The following SNX7 variants were observed in gnomAD, a reference collection of about 807,000 sequenced individuals.
SNX7 encodes the protein sorting nexin 7.
A neutral mutation model predicts 48.4 loss-of-function variants in SNX7; 35 were observed. The observed-to-expected ratio is 0.72, with a 90% CI of 0.55 to 0.96. The LOEUF (loss-of-function observed/expected upper bound fraction) is 0.96, where lower values mean the gene tolerates loss of function less well. SNX7 is among the 40% of genes least tolerant of loss of function. The probability of loss-of-function intolerance (pLI) is 0.00; values close to 1 mark genes in which losing one functional copy is unlikely to be tolerated. For missense variants in SNX7, 553 were observed against 548.9 expected, an observed-to-expected ratio of 1.01 and a Z score of -0.07; for synonymous variants, 190 against 190.2, an observed-to-expected ratio of 1.00 and a Z score of 0.01.
At chr1:98,682,081 TTTTTTTGTCCTTC>T (rs1199486239) in intron 1 of SNX7, among the ~76,000 whole-genome samples, 1 of 83,006 alleles carries the variant, frequency 1.2e-5, no homozygotes, top group African/African-American at 3.8e-5. Context: ...CTTTTCTTCC[TTTTTTTGTCCTTC>T]TTTTACTTCC....
intron 1 of SNX7, among the ~76,000 whole-genome samples, chr1:98,670,789 G>A (rs1395027645): frequency 6.6e-6 from 1 of 152,012 alleles, no homozygotes; most frequent in Non-Finnish European, 1.5e-5. Context: ...AAGGGGATTG[G>A]ATGTTGTATA....
At chr1:98,755,802 T>A (rs922068853) in intron 8 of SNX7, among the ~76,000 whole-genome samples, 1 of 151,956 alleles carries the variant, frequency 6.6e-6, no homozygotes, top group African/African-American at 2.4e-5. Flanking sequence ...TTAACTATAT[T>A]TGTCCTTATA....
At chr1:98,744,051 G>A (rs1394930278) in intron 8 of SNX7, among the ~76,000 whole-genome samples, 1 of 152,012 alleles carries the variant, frequency 6.6e-6, no homozygotes, top group African/African-American at 2.4e-5. Context: ...GGAGCAATGA[G>A]GGGAATAGTC....
intron 4 of SNX7, 36 bp from the exon 5 acceptor site, chr1:98,695,482 T>C: frequency 6.3e-7 from 1 of 1,590,208 alleles, no homozygotes; most frequent in Non-Finnish European, 8.6e-7. Flanking sequence ...ATATTGAGAC[T>C]TGTTTCACTA....
chr1:98,748,222 G>C (rs1346401783), intron 8 of SNX7, among the ~76,000 whole-genome samples: 1 of 152,044 alleles, frequency 6.6e-6, no homozygotes, highest in Non-Finnish European at 1.5e-5. Context: ...CTGACCTCAA[G>C]TGATCTGCCT....
At chr1:98,753,482 G>A (rs1252693379) in intron 8 of SNX7, among the ~76,000 whole-genome samples, 2 of 152,074 alleles carry the variant, frequency 1.3e-5, no homozygotes, top group Non-Finnish European at 2.9e-5. Context: ...GAGGGCTAAT[G>A]CCATCTTTGG....
intron 7 of SNX7, among the ~76,000 whole-genome samples, chr1:98,702,218 T>C (rs1651788769): frequency 6.6e-6 from 1 of 152,164 alleles, no homozygotes; most frequent in South Asian, 2.1e-4. Context: ...TCCAGGCTAG[T>C]AAGTACTCAG....
At chr1:98,703,404 A>G (rs1166611634) in intron 7 of SNX7, among the ~76,000 whole-genome samples, 1 of 151,946 alleles carries the variant, frequency 6.6e-6, no homozygotes, top group African/African-American at 2.4e-5. Context: ...ACTATGAATT[A>G]CTCTCACGTT....
At chr1:98,739,510 G>A (rs920734540) in intron 8 of SNX7, among the ~76,000 whole-genome samples, 3 of 152,126 alleles carry the variant, frequency 2.0e-5, no homozygotes, top group African/African-American at 7.2e-5. Context: ...CAGTATGCAA[G>A]ACAAACACAA....
chr1:98,756,801 C>T (rs1048248137), intron 8 of SNX7, among the ~76,000 whole-genome samples: 2 of 151,938 alleles, frequency 1.3e-5, no homozygotes, highest in Non-Finnish European at 2.9e-5. Context: ...ACCATGGCCT[C>T]GAAATTCTGT....
chr1:98,751,865 G>A (rs1654602500), intron 8 of SNX7, among the ~76,000 whole-genome samples: 1 of 152,098 alleles, frequency 6.6e-6, no homozygotes, highest in Non-Finnish European at 1.5e-5. Context: ...TCAAATGGAA[G>A]TGGAACTCCT....
At chr1:98,663,416 C>T (rs1415176028) in intron 1 of SNX7, among the ~76,000 whole-genome samples, 2 of 151,738 alleles carry the variant, frequency 1.3e-5, no homozygotes, top group Non-Finnish European at 2.9e-5. Context: ...GTTTCTCTTT[C>T]CCCAGATTCT....
At chr1:98,748,809 T>C (rs1486829816) in intron 8 of SNX7, among the ~76,000 whole-genome samples, 2 of 152,086 alleles carry the variant, frequency 1.3e-5, no homozygotes, top group Admixed American at 1.3e-4. Context: ...AACTGCCAAA[T>C]AGAGGTATTC....
chr1:98,678,245 G>A (rs1281977483), intron 1 of SNX7, among the ~76,000 whole-genome samples: 2 of 152,070 alleles, frequency 1.3e-5, no homozygotes, highest in Admixed American at 6.5e-5. Context: ...GGACGATCCA[G>A]GGTCTTTTAA....
intron 8 of SNX7, among the ~76,000 whole-genome samples, chr1:98,757,491 A>T (rs1349290812): frequency 6.6e-6 from 1 of 151,812 alleles, no homozygotes; most frequent in Admixed American, 6.6e-5. Flanking sequence ...TTATAAGGAC[A>T]CCAGTCATAT....
chr1:98,668,988 A>G (rs1029917405), intron 1 of SNX7, among the ~76,000 whole-genome samples: 3 of 152,192 alleles, frequency 2.0e-5, no homozygotes, highest in African/African-American at 7.2e-5. Flanking sequence ...GTGGAATTTT[A>G]ACTTACTAAA....
intron 1 of SNX7, among the ~76,000 whole-genome samples, chr1:98,663,359 A>G (rs555773813): frequency 2.1e-5 from 3 of 140,964 alleles, no homozygotes; most frequent in African/African-American, 8.1e-5. Flanking sequence ...GTTTGGGATT[A>G]CAGGCTTGAG....
At chr1:98,751,685 G>A (rs887540644) in intron 8 of SNX7, among the ~76,000 whole-genome samples, 9 of 152,052 alleles carry the variant, frequency 5.9e-5, no homozygotes, top group African/African-American at 1.7e-4. Context: ...AATTTTTTCT[G>A]CAGTGAGAAG....
At chr1:98,702,027 C>A in intron 7 of SNX7, 124 bp downstream of exon 7, 4 of 624,270 alleles carry the variant, frequency 6.4e-6, no homozygotes, top group South Asian at 2.9e-5. Context: ...AAGCATTAAG[C>A]AAATTATAGT....
Sources: allele counts gnomAD v4.1 joint callset (sites outside exome capture counted in the v4.1 genomes callset), GRCh38; gene constraint gnomAD v4.1.1; transcripts MANE v1.5; gene names NCBI Gene and HGNC (gene_info 2026-07-23, HGNC 2026-07-21).